ZDHHC5: variants seen among roughly 807,000 people sequenced by gnomAD.
The protein encoded by ZDHHC5 is zDHHC palmitoyltransferase 5.
ZDHHC5 carries 22 observed loss-of-function variants against 70.0 expected under a neutral mutation model. That is an observed-to-expected ratio of 0.31 (90% CI 0.22 to 0.45). The LOEUF (loss-of-function observed/expected upper bound fraction) is 0.45. Ranked by LOEUF, ZDHHC5 falls within the 20% of genes least tolerant of loss-of-function variation. The pLI is 1.00. For synonymous variants in ZDHHC5, 313 were observed against 347.8 expected (o/e 0.90, Z 1.11); for missense variants, 746 against 926.9 (o/e 0.80, Z 2.53).
chr11:57,673,131 A>G lies in ZDHHC5; in HGVS notation c.41A>G (p.Tyr14Cys). 4 of 1,613,996 alleles carry G rather than the reference A, an allele frequency of 2.5e-6. No homozygotes were observed. The South Asian group carries it at 4.4e-5, about 18-fold the overall frequency. Residue 14 changes from tyrosine (Y) to cysteine (C), a missense_variant, in exon 2 of 12, where the codon TAT becomes TGT. This residue lies in a region of ZDHHC5 where 89 missense variants were observed against 130.7 expected (regional missense o/e 0.68). Coordinates refer to ENST00000287169, the MANE Select transcript of ZDHHC5 (RefSeq NM_015457.3). ...ESGKRFKPSK[Y>C]VPVSAAAIFL... ...GGAAAGAGATTCAAACCCAGCAAGT[A>G]TGTCCCGGTCTCTGCAGCCGCCATC...
chr11:57,699,521 C>G (rs187274989), intron 11 of ZDHHC5, 103 bp downstream of exon 11: 1 of 1,474,342 alleles, frequency 6.8e-7, no homozygotes, highest in African/African-American at 1.4e-5. Context: ...TAGGTGGACC[C>G]AGGGGTATCC....
At chr11:57,686,781 G>T (rs184786836) in intron 3 of ZDHHC5, among the ~76,000 whole-genome samples, 2 of 151,414 alleles carry the variant, frequency 1.3e-5, no homozygotes, top group African/African-American at 4.8e-5. Context: ...AAAAATATAT[G>T]TGTATATTTA....
intron 3 of ZDHHC5, among the ~76,000 whole-genome samples, chr11:57,683,155 C>T (rs1204952773): frequency 6.6e-6 from 1 of 152,192 alleles, no homozygotes; most frequent in Non-Finnish European, 1.5e-5. Flanking sequence ...GGATGTTATG[C>T]ATGGTGTGAC....
In ZDHHC5 at chr11:57,688,563, G is replaced by T. The variant is rs1187535393; in HGVS notation, c.282G>T (p.Val94=). 1 of 1,608,158 alleles carries T rather than the reference G, an allele frequency of 6.2e-7. No individual in the cohort carries two copies. Among genetic ancestry groups the T allele is most frequent in the African/African-American group, 1.3e-5 (1 of 74,862 alleles). The change falls in exon 4 of 12, where the codon GTG becomes GTT. Residue 94 remains valine (V), a synonymous_variant. Coordinates refer to ENST00000287169, the MANE Select transcript of ZDHHC5 (RefSeq NM_015457.3). ...TCCGAGCTCCCCTTTACAAAACAGT[G>T]GAGATAAAGGGCATCCAGGTGCGCA... is the stretch of plus-strand genomic sequence containing the variant. ...DDFRAPLYKT[V]EIKGIQVRMK... is the part of the protein sequence containing the mutation.
At chr11:57,671,643 C>T (rs1428817977) in intron 1 of ZDHHC5, among the ~76,000 whole-genome samples, 2 of 152,192 alleles carry the variant, frequency 1.3e-5, no homozygotes, top group Non-Finnish European at 2.9e-5. Flanking sequence ...TAACAATAAA[C>T]ACTCTTCTTG....
intron 2 of ZDHHC5, among the ~76,000 whole-genome samples, chr11:57,676,908 GATTTTTTTTTTTT>G (rs1324772022): frequency 8.9e-6 from 1 of 111,864 alleles, no homozygotes; most frequent in Non-Finnish European, 1.7e-5. Flanking sequence ...TGCTTCACGT[GATTTTTTTTTTTT>G]TTTTTTTTTT....
intron 8 of ZDHHC5, among the ~76,000 whole-genome samples, chr11:57,694,327 G>T (rs1946322810): frequency 6.6e-6 from 1 of 150,608 alleles, no homozygotes; most frequent in East Asian, 2.0e-4. Context: ...TACTAATTTG[G>T]GTTAAAATTA....
chr11:57,684,318 T>A (rs1252860947), intron 3 of ZDHHC5, among the ~76,000 whole-genome samples: 1 of 152,202 alleles, frequency 6.6e-6, no homozygotes, highest in Non-Finnish European at 1.5e-5. Context: ...GCACAGTGGT[T>A]CATGCCTGTA....
chr11:57,700,236 CCT>C lies in ZDHHC5; in HGVS notation c.*206_*207del. ...CCCTGAGACTGGGGTAGCAACCCCCCCTTTTATCTTTTAAGACCTTCCCTTCC... is the reference window on the plus strand; with the variant it reads ...CCCTGAGACTGGGGTAGCAACCCCCCTTTATCTTTTAAGACCTTCCCTTCC... On this transcript the variant is annotated 3_prime_UTR_variant, in exon 12 of 12. Coordinates refer to ENST00000287169, the MANE Select transcript of ZDHHC5 (RefSeq NM_015457.3). 1.9e-6 allele frequency: 1 copy of C among 527,862 alleles called. No homozygotes were observed. 32.7% of individuals were successfully genotyped at this position (527,862 alleles called of 1,614,324 possible). A position where few individuals can be genotyped will look rare whatever the true frequency, so the allele number is the denominator to read the frequency against.
chr11:57,697,471 A>AG (rs1565198883), intron 10 of ZDHHC5, among the ~76,000 whole-genome samples: 1 of 151,106 alleles, frequency 6.6e-6, no homozygotes, highest in Non-Finnish European at 1.5e-5. Flanking sequence ...TCAAAAAAAA[A>AG]ATAAATAAAT....
At chr11:57,674,938 C>T (rs1280118432) in intron 2 of ZDHHC5, among the ~76,000 whole-genome samples, 1 of 152,164 alleles carries the variant, frequency 6.6e-6, no homozygotes, top group Non-Finnish European at 1.5e-5. Flanking sequence ...TTTTCTCTGA[C>T]TTAATATTTT....
intron 3 of ZDHHC5, among the ~76,000 whole-genome samples, chr11:57,686,280 A>G (rs1946206992): frequency 1.3e-5 from 2 of 152,156 alleles, no homozygotes; most frequent in Admixed American, 1.3e-4. Context: ...TCTTAAAAGA[A>G]AAATAGCATT....
chr11:57,678,442 G>A (rs1329230880), intron 2 of ZDHHC5, among the ~76,000 whole-genome samples: 1 of 151,840 alleles, frequency 6.6e-6, no homozygotes, highest in African/African-American at 2.4e-5. Flanking sequence ...GTGGTGGTGG[G>A]CGCCTGTAGT....
At chr11:57,679,970 A>C (rs1946127644) in intron 2 of ZDHHC5, among the ~76,000 whole-genome samples, 1 of 152,180 alleles carries the variant, frequency 6.6e-6, no homozygotes, top group South Asian at 2.1e-4. Flanking sequence ...CAGATACTGG[A>C]ATTCCATTCC....
intron 10 of ZDHHC5, 59 bp downstream of exon 10, chr11:57,696,932 C>T: frequency 5.2e-6 from 8 of 1,551,284 alleles, no homozygotes; most frequent in Non-Finnish European, 7.1e-6. Flanking sequence ...CACAGTGGCT[C>T]ATTCCTGTAA....
At chr11:57,695,849 T>A in intron 8 of ZDHHC5, 71 bp from the exon 9 acceptor site, 2 of 1,540,556 alleles carry the variant, frequency 1.3e-6, no homozygotes, top group Non-Finnish European at 1.7e-6. Context: ...CCCTCTTATA[T>A]CAATTTAATA....
At chr11:57,680,601 T>TA (rs903256894) in intron 2 of ZDHHC5, among the ~76,000 whole-genome samples, 26 of 152,190 alleles carry the variant, frequency 1.7e-4, no homozygotes, top group African/African-American at 6.3e-4. Flanking sequence ...CCCTTCTAAT[T>TA]ATCTTCCCAG....
Position 57,692,673 on chromosome 11 carries a change from C to G in ZDHHC5, c.723C>G (p.Ser241Arg), listed in dbSNP as rs777330605. ...CCAATGGCTGCTGTAACAATGTCAG[C>G]CGTGTTCTCTGCAGTTCTCCAGCAC... ...PFTNGCCNNV[S>R]RVLCSSPAPR... The change falls in exon 7 of 12, where the codon AGC (serine) becomes AGG (arginine). Residue 241 changes from serine (S) to arginine (R), a missense_variant. Physicochemically the swap from Ser to Arg is moderately radical, Grantham distance 110 (BLOSUM62 -1). Around this residue, in one of 6 missense-constraint regions of ZDHHC5, gnomAD observed 114 missense variants for 179.3 expected, o/e 0.64. Transcript: ENST00000287169. The G allele has an allele frequency of 6.2e-7, 1 of 1,614,160 alleles. No homozygotes were observed. The highest frequency in any genetic ancestry group is 8.5e-7 in the Non-Finnish European group (1 of 1,180,036).
Position 57,676,909 on chromosome 11 carries a change from A to ATT in ZDHHC5, c.104+3744_104+3745dup, listed in dbSNP as rs72474322. Reference sequence around the variant, plus strand: ...CAGGATAAGATCTCTGCTTCACGTGATTTTTTTTTTTTTTTTTTTTTTTTT... The same window carrying ATT: ...CAGGATAAGATCTCTGCTTCACGTGATTTTTTTTTTTTTTTTTTTTTTTTTTT... On this transcript the variant is annotated intron_variant, in intron 2 of 11. Transcript: ENST00000287169. Among the ~76,000 whole-genome samples the ATT allele has an allele frequency of 5.6e-3, 454 of 80,954 alleles. 56 individuals carry two copies. The highest frequency in any genetic ancestry group is 0.022 in the African/African-American group (416 of 19,080). 53.1% of individuals were successfully genotyped at this position (80,954 alleles called of 152,430 possible).
Sources: allele counts gnomAD v4.1 joint callset (sites outside exome capture counted in the v4.1 genomes callset), GRCh38; gene constraint gnomAD v4.1.1; regional missense constraint gnomAD v4.1.1; transcripts MANE v1.5; gene names NCBI Gene and HGNC (gene_info 2026-07-23, HGNC 2026-07-21).